The following CCSER1 variants were observed in gnomAD, a reference collection of about 807,000 sequenced individuals.
The protein encoded by CCSER1 is coiled-coil serine rich protein 1, also known as serine-rich coiled-coil domain-containing protein 1.
CCSER1 carries 41 observed loss-of-function variants against 82.0 expected under a neutral mutation model. The observed-to-expected ratio is 0.50, with a 90% CI of 0.39 to 0.65. The LOEUF is 0.65. CCSER1 is among the 30% of genes least tolerant of loss of function. The pLI, the probability that CCSER1 is intolerant of heterozygous loss-of-function variation, is 0.00. For missense variants in CCSER1, 1,119 were observed against 1,064.2 expected, an observed-to-expected ratio of 1.05 and a Z score of -0.72; for synonymous variants, 414 against 383.9, an observed-to-expected ratio of 1.08 and a Z score of -0.92.
chr4:90,573,416 A>G (rs1450632971), intron 5 of CCSER1, among the ~76,000 whole-genome samples: 1 of 152,198 alleles, frequency 6.6e-6, no homozygotes, highest in East Asian at 1.9e-4. Context: ...GCCCAGTGGT[A>G]GAGTCCACGG....
rs1579542310 is a variant in CCSER1, at chr4:90,623,517, C to A, written c.1725-4508C>A. On this transcript the variant is annotated intron_variant, in intron 5 of 10. Coordinates refer to ENST00000509176, the MANE Select transcript of CCSER1 (RefSeq NM_001145065.2). ...AGACAGTTTCTAGACCATGAAACAA[C>A]CTTGTTGGCTATGTTAAGATATTTG... Among the ~76,000 whole-genome samples the A allele has an allele frequency of 3.3e-5, 5 of 152,266 alleles. No homozygotes were observed. In the South Asian group the frequency reaches 6.2e-4, roughly 19 times the overall value.
At chr4:90,389,501 C>G (rs1191546727) in intron 3 of CCSER1, among the ~76,000 whole-genome samples, 2 of 152,178 alleles carry the variant, frequency 1.3e-5, no homozygotes, top group Non-Finnish European at 2.9e-5. Context: ...AACATGACAT[C>G]TCATTTCCTG....
chr4:90,502,141 T>C (rs1769979439), intron 5 of CCSER1, among the ~76,000 whole-genome samples: 1 of 152,138 alleles, frequency 6.6e-6, no homozygotes, highest in South Asian at 2.1e-4. Context: ...AAGAACTACC[T>C]GAGACTGGGT....
At chr4:90,367,175 C>A (rs992325845) in intron 3 of CCSER1, among the ~76,000 whole-genome samples, 1 of 151,556 alleles carries the variant, frequency 6.6e-6, no homozygotes. Flanking sequence ...AAGAGTGGAA[C>A]AAACAAACAT....
At chr4:91,294,422 G>C (rs1744004900) in intron 10 of CCSER1, among the ~76,000 whole-genome samples, 1 of 151,686 alleles carries the variant, frequency 6.6e-6, no homozygotes, top group Non-Finnish European at 1.5e-5. Context: ...AAAATAATAT[G>C]TCGAACTCTC....
intron 10 of CCSER1, among the ~76,000 whole-genome samples, chr4:91,177,992 G>A (rs1009796733): frequency 6.6e-6 from 1 of 152,200 alleles, no homozygotes; most frequent in African/African-American, 2.4e-5. Flanking sequence ...ATGTGTCCCA[G>A]AGATTCTGGT....
At chr4:90,702,229 A>C (rs1242698139) in intron 6 of CCSER1, among the ~76,000 whole-genome samples, 1 of 152,096 alleles carries the variant, frequency 6.6e-6, no homozygotes, top group Admixed American at 6.6e-5. Flanking sequence ...CCATTGAGAT[A>C]ATCGTGGTTT....
chr4:91,185,770 T>G (rs1445136581), intron 10 of CCSER1, among the ~76,000 whole-genome samples: 1 of 152,178 alleles, frequency 6.6e-6, no homozygotes, highest in African/African-American at 2.4e-5. Context: ...ACTCTCTGAA[T>G]TTTTCTACAT....
intron 8 of CCSER1, among the ~76,000 whole-genome samples, chr4:90,822,640 A>G (rs1469914567): frequency 6.6e-6 from 1 of 151,206 alleles, no homozygotes; most frequent in Non-Finnish European, 1.5e-5. Context: ...AGACAGGAGA[A>G]TCGTTTGAAC....
intron 9 of CCSER1, among the ~76,000 whole-genome samples, chr4:91,017,490 G>A (rs1242584233): frequency 6.6e-6 from 1 of 152,112 alleles, no homozygotes; most frequent in Non-Finnish European, 1.5e-5. Flanking sequence ...GGTTTGTGGT[G>A]CAGAGTATTT....
chr4:90,716,404 A>G (rs573547081), intron 6 of CCSER1, among the ~76,000 whole-genome samples: 129 of 152,200 alleles, frequency 8.5e-4, no homozygotes, highest in Non-Finnish European at 1.6e-3. Context: ...AAATGTAGAA[A>G]GTAATAAACT....
chr4:90,661,484 G>C (rs1579788077), intron 6 of CCSER1, among the ~76,000 whole-genome samples: 1 of 152,130 alleles, frequency 6.6e-6, no homozygotes, highest in Non-Finnish European at 1.5e-5. Context: ...CAATGTAAAG[G>C]CTTCTTAGAA....
At chr4:91,568,544 C>A (rs1763009485) in intron 10 of CCSER1, among the ~76,000 whole-genome samples, 1 of 152,066 alleles carries the variant, frequency 6.6e-6, no homozygotes, top group Non-Finnish European at 1.5e-5. Flanking sequence ...TTTGTTCATT[C>A]ATTTTTATTT....
At chr4:90,410,225 G>T (rs573925430) in intron 4 of CCSER1, among the ~76,000 whole-genome samples, 2 of 152,154 alleles carry the variant, frequency 1.3e-5, no homozygotes, top group Non-Finnish European at 2.9e-5. Context: ...AGATCAATGA[G>T]ACAGAAAGTT....
intron 10 of CCSER1, among the ~76,000 whole-genome samples, chr4:91,536,707 T>C (rs1457484640): frequency 6.6e-6 from 1 of 152,086 alleles, no homozygotes. Context: ...AAAATTTGTC[T>C]TGTCACCAAC....
At chr4:91,032,130 T>C (rs1365252337) in intron 9 of CCSER1, among the ~76,000 whole-genome samples, 1 of 152,116 alleles carries the variant, frequency 6.6e-6, no homozygotes, top group Non-Finnish European at 1.5e-5. Context: ...TTTGCATAAC[T>C]TTACATATTG....
At position 90,309,081 on chromosome 4, in the gene CCSER1, A is replaced by G; in HGVS notation, c.797A>G (p.Asp266Gly). 1 of 1,613,884 alleles carries G rather than the reference A, an allele frequency of 6.2e-7. No homozygotes were observed. Among genetic ancestry groups the G allele is most frequent in the East Asian group, 2.2e-5 (1 of 44,876 alleles). Reference sequence around the variant, plus strand: ...TCAGAATTTTTAGCCTTGACTGAAGATTCTGTGTCTGAAATGGATGCATTT... The same window carrying G: ...TCAGAATTTTTAGCCTTGACTGAAGGTTCTGTGTCTGAAATGGATGCATTT... ...TPSEFLALTE[D>G]SVSEMDAFSK... The change falls in exon 2 of 11, where the codon GAT becomes GGT. Residue 266 changes from aspartate (D) to glycine (G), a missense_variant. Transcript: ENST00000509176.
chr4:90,501,911 G>T (rs576770884), intron 5 of CCSER1, among the ~76,000 whole-genome samples: 2 of 151,720 alleles, frequency 1.3e-5, no homozygotes, highest in Non-Finnish European at 2.9e-5. Context: ...TTTTATCAAC[G>T]GTTAGCTGTC....
At chr4:91,561,699 A>T (rs546851605) in intron 10 of CCSER1, among the ~76,000 whole-genome samples, 11 of 151,588 alleles carry the variant, frequency 7.3e-5, no homozygotes, top group South Asian at 2.1e-4. Context: ...AAATCAATAA[A>T]TGTTTTTATT....
Sources: gnomAD v4.1 joint callset for allele counts (sites outside exome capture counted in the v4.1 genomes callset) on GRCh38, gnomAD v4.1.1 for gene constraint, MANE v1.5 for transcripts, NCBI Gene and HGNC (gene_info 2026-07-23, HGNC 2026-07-21) for gene names.